LHPP: variants seen among roughly 807,000 people sequenced by gnomAD.
LHPP encodes the protein hLHPP.
Under a neutral mutation model 30.3 loss-of-function variants are expected in LHPP, and 24 were observed. The ratio of observed to expected loss-of-function variants is 0.79; its 90% CI spans 0.57 to 1.11. The LOEUF (loss-of-function observed/expected upper bound fraction) is 1.11, where lower values mean the gene tolerates loss of function less well. LHPP is among the 50% of genes most tolerant of loss of function. LHPP has a pLI of 0.00. For synonymous variants in LHPP, 150 were observed against 157.1 expected (o/e 0.95, Z 0.34); for missense variants, 356 against 367.2 (o/e 0.97, Z 0.25).
chr10:124,567,615 C>T (rs10901762), intron 6 of LHPP, among the ~76,000 whole-genome samples: 3,223 of 152,348 alleles, frequency 0.021, 62 homozygotes, highest in Non-Finnish European at 0.031. Context: ...TGACAAGGGG[C>T]GGCACTGCTG....
intron 1 of LHPP, among the ~76,000 whole-genome samples, chr10:124,462,350 TGCAGAG>T (rs1284972389): frequency 6.6e-6 from 1 of 152,188 alleles, no homozygotes; most frequent in East Asian, 1.9e-4. Context: ...TTCTAGCACT[TGCAGAG>T]GCAGAGGAGG....
intron 6 of LHPP, among the ~76,000 whole-genome samples, chr10:124,555,138 C>T (rs1031961688): frequency 6.6e-6 from 1 of 152,122 alleles, no homozygotes; most frequent in African/African-American, 2.4e-5. Flanking sequence ...CTCTGCCTCC[C>T]GAGTGGAGGC....
chr10:124,611,630 C>T (rs1015211917), intron 6 of LHPP, among the ~76,000 whole-genome samples: 2 of 152,028 alleles, frequency 1.3e-5, no homozygotes, highest in Non-Finnish European at 2.9e-5. Flanking sequence ...GCCCCTGTGG[C>T]CCCCGTCCAG....
Position 124,466,050 on chromosome 10 carries a change from A to G in LHPP, c.125+4063A>G, listed in dbSNP as rs537130547. ...GGTTGCGCTTCTGAGAATTTGTCCT[A>G]TCTCGTGTGAGAAAGGACACAAGTA... On this transcript the variant is annotated intron_variant, in intron 1 of 6. Coordinates refer to ENST00000368842, the MANE Select transcript of LHPP (RefSeq NM_022126.4). 1.1e-4 allele frequency among the ~76,000 whole-genome samples: 16 copies of G among 152,300 alleles called. No homozygotes were observed. In the South Asian group the frequency reaches 3.1e-3, roughly 30 times the overall value.
chr10:124,490,604 G>A (rs1020245039), intron 3 of LHPP: 6 of 225,482 alleles, frequency 2.7e-5, no homozygotes, highest in Admixed American at 2.2e-4. Flanking sequence ...GTCCAGGTCC[G>A]GGGCTGGAAA....
chr10:124,554,161 C>T (rs1462143651), intron 6 of LHPP: 8 of 545,918 alleles, frequency 1.5e-5, no homozygotes, highest in Non-Finnish European at 1.9e-5. Flanking sequence ...ACCTAAGACT[C>T]AGTTTATTAT....
At chr10:124,610,451 GGT>G (rs1491291663) in intron 6 of LHPP, among the ~76,000 whole-genome samples, 37 of 129,358 alleles carry the variant, frequency 2.9e-4, no homozygotes, top group Non-Finnish European at 3.5e-4. Flanking sequence ...AGCGGGTGAG[GGT>G]GAGGGTGAGG....
intron 6 of LHPP, among the ~76,000 whole-genome samples, chr10:124,570,724 T>C (rs1386566734): frequency 6.6e-6 from 1 of 152,238 alleles, no homozygotes; most frequent in Non-Finnish European, 1.5e-5. Flanking sequence ...AGACGATACA[T>C]GGTCTTTTGT....
At chr10:124,491,256 G>A (rs1373361127) in intron 3 of LHPP, among the ~76,000 whole-genome samples, 1 of 152,218 alleles carries the variant, frequency 6.6e-6, no homozygotes, top group Non-Finnish European at 1.5e-5. Context: ...TGGGAATTCC[G>A]AGGCGGTGGC....
intron 1 of LHPP, among the ~76,000 whole-genome samples, chr10:124,466,091 C>A (rs907898096): frequency 1.3e-5 from 2 of 152,178 alleles, no homozygotes; most frequent in Non-Finnish European, 2.9e-5. Flanking sequence ...TCATTCCTGG[C>A]AATGCCTTTT....
chr10:124,572,531 T>C (rs1242269192), intron 6 of LHPP, among the ~76,000 whole-genome samples: 1 of 151,844 alleles, frequency 6.6e-6, no homozygotes, highest in Non-Finnish European at 1.5e-5. Context: ...CTCGGGAGGC[T>C]GAGGCAGGAG....
chr10:124,474,139 T>TG (rs1229927094), intron 1 of LHPP, among the ~76,000 whole-genome samples: 131 of 140,606 alleles, frequency 9.3e-4, no homozygotes, highest in African/African-American at 3.3e-3. Context: ...GCCCTTTTTT[T>TG]TTTTTTTTTT....
intron 6 of LHPP, among the ~76,000 whole-genome samples, chr10:124,605,999 A>AC (rs1949087564): frequency 6.6e-6 from 1 of 152,010 alleles, no homozygotes; most frequent in South Asian, 2.1e-4. Context: ...TACCTCCGAA[A>AC]CCCGGGCAGC....
At chr10:124,606,813 G>A (rs949423820) in intron 6 of LHPP, among the ~76,000 whole-genome samples, 16 of 152,178 alleles carry the variant, frequency 1.1e-4, no homozygotes, top group African/African-American at 3.1e-4. Flanking sequence ...GGGGCTTAAC[G>A]CAGGCCCACA....
chr10:124,538,870 T>C (rs1955106759), intron 6 of LHPP, among the ~76,000 whole-genome samples: 1 of 152,176 alleles, frequency 6.6e-6, no homozygotes, highest in Non-Finnish European at 1.5e-5. Context: ...GCCACTCAGC[T>C]CCTGCAGCCG....
rs144310514 is a variant in LHPP at position 124,502,604 on chromosome 10, C to T, written c.624+4476C>T. ...CAGGATGGTCTCGATCTCCTGACCT[C>T]GTGATCTGCCCGCTTCGGCTCCCAA... On this transcript the variant is annotated intron_variant, in intron 5 of 6. Transcript: ENST00000368842. Among the ~76,000 whole-genome samples the T allele has an allele frequency of 8.1e-3, 1,205 of 149,450 alleles. 29 individuals are homozygous for T. The highest frequency in any genetic ancestry group is 0.029 in the African/African-American group (1,166 of 40,224).
chr10:124,504,700 G>T (rs1954010661), intron 5 of LHPP, among the ~76,000 whole-genome samples: 1 of 152,152 alleles, frequency 6.6e-6, no homozygotes, highest in Non-Finnish European at 1.5e-5. Flanking sequence ...TGGCTGTCCA[G>T]ATGGCATTGC....
In LHPP at chr10:124,564,054, C is replaced by T. The variant is rs374947730; in HGVS notation, c.716+46783C>T. Among the ~76,000 whole-genome samples the T allele has an allele frequency of 4.6e-5, 7 of 151,940 alleles. No homozygotes were observed. The East Asian group carries it at 1.3e-3, about 29-fold the overall frequency. On this transcript the variant is annotated intron_variant, in intron 6 of 6. Coordinates refer to ENST00000368842, the MANE Select transcript of LHPP (RefSeq NM_022126.4). ...TTCGAACTCCTGGGCTCAAGCGATC[C>T]TCCCACCTCAGCCTCCTGAGTGGCT...
At chr10:124,575,975 G>A (rs960021215) in intron 6 of LHPP, among the ~76,000 whole-genome samples, 5 of 152,140 alleles carry the variant, frequency 3.3e-5, no homozygotes, top group African/African-American at 1.2e-4. Flanking sequence ...CCCTGAAAAC[G>A]TTCACATCCC....
Sources: gnomAD v4.1 joint callset for allele counts (sites outside exome capture counted in the v4.1 genomes callset) on GRCh38, gnomAD v4.1.1 for gene constraint, MANE v1.5 for transcripts, NCBI Gene and HGNC (gene_info 2026-07-23, HGNC 2026-07-21) for gene names.